The following LTBP2 variants were observed in gnomAD, a reference collection of about 807,000 sequenced individuals.
The protein encoded by LTBP2 is latent-transforming growth factor beta-binding protein 2.
Under a neutral mutation model 210.6 loss-of-function variants are expected in LTBP2, and 103 were observed. That is an observed-to-expected ratio of 0.49 (90% CI 0.42 to 0.58). The LOEUF (loss-of-function observed/expected upper bound fraction) is 0.58, where lower values mean the gene tolerates loss of function less well. LTBP2 is among the 20% of genes least tolerant of loss of function. The probability of loss-of-function intolerance (pLI) is 0.00; values close to 1 mark genes in which losing one functional copy is unlikely to be tolerated. For synonymous variants in LTBP2, 1,007 were observed against 1,015.0 expected, an observed-to-expected ratio of 0.99 and a Z score of 0.15; for missense variants, 2,313 against 2,494.5, an observed-to-expected ratio of 0.93 and a Z score of 1.55.
chr14:74,550,938 A>C, intron 7 of LTBP2, 126 bp downstream of exon 7: 2 of 1,242,824 alleles, frequency 1.6e-6, no homozygotes, highest in Non-Finnish European at 2.3e-6. Flanking sequence ...CCATCTGGGA[A>C]ATGGGAGAGT....
chr14:74,602,766 CT>C (rs2088466152), intron 2 of LTBP2, among the ~76,000 whole-genome samples: 1 of 152,222 alleles, frequency 6.6e-6, no homozygotes, highest in South Asian at 2.1e-4. Context: ...AATAAGATGG[CT>C]TTTCTCTCCT....
chr14:74,506,855 G>A (rs1047144681), intron 26 of LTBP2, 32 bp from the exon 27 acceptor site: 23 of 981,896 alleles, frequency 2.3e-5, no homozygotes, highest in Non-Finnish European at 3.4e-5. Context: ...GATAGAGGAT[G>A]TGTGTGTGTG....
chr14:74,562,955 T>C (rs1488376826), intron 3 of LTBP2, among the ~76,000 whole-genome samples: 7 of 152,212 alleles, frequency 4.6e-5, no homozygotes, highest in South Asian at 2.1e-4. Context: ...GTTGCTGCCC[T>C]GCCCTGGTCC....
Position 74,521,992 on chromosome 14 carries a change from T to C in LTBP2, c.2707A>G (p.Ile903Val). ...RDPCKGKGRC[I>V]NRVGSYSCFC... ...CAGGAGTAGGACCCCACGCGGTTGATGCAGCGCCCTTTTCCCTTGCAGGGG... is the reference window on the plus strand; with the variant it reads ...CAGGAGTAGGACCCCACGCGGTTGACGCAGCGCCCTTTTCCCTTGCAGGGG... Residue 903 changes from isoleucine (I) to valine (V), a missense_variant, in exon 17 of 36, where the codon ATC becomes GTC. By Grantham distance (29) the Ile-to-Val change is conservative (BLOSUM62 3). Transcript: ENST00000261978. The C allele has an allele frequency of 1.2e-6, 2 of 1,614,108 alleles. No homozygotes were observed. Among genetic ancestry groups the C allele is most frequent in the South Asian group, 2.2e-5 (2 of 91,074 alleles).
At chr14:74,553,189 C>T in intron 4 of LTBP2, 127 bp from the exon 5 acceptor site, 1 of 913,344 alleles carries the variant, frequency 1.1e-6, no homozygotes, top group Non-Finnish European at 1.7e-6. Flanking sequence ...TGAGTACCTA[C>T]TGGACGCAGG....
intron 3 of LTBP2, among the ~76,000 whole-genome samples, chr14:74,562,825 T>C (rs1414049710): frequency 6.6e-6 from 1 of 152,098 alleles, no homozygotes; most frequent in Non-Finnish European, 1.5e-5. Flanking sequence ...GGAATGTAAA[T>C]TGACATGACC....
chr14:74,539,518 G>A (rs536783690), intron 8 of LTBP2, among the ~76,000 whole-genome samples: 1 of 152,184 alleles, frequency 6.6e-6, no homozygotes, highest in South Asian at 2.1e-4. Context: ...ACCAGCCCAG[G>A]CAACATGGCA....
chr14:74,570,571 G>A (rs1198313113), intron 3 of LTBP2, among the ~76,000 whole-genome samples: 1 of 152,220 alleles, frequency 6.6e-6, no homozygotes, highest in African/African-American at 2.4e-5. Context: ...CTTCCATTCA[G>A]CAATCTAGCA....
At chr14:74,561,637 A>T (rs142672592) in intron 3 of LTBP2, among the ~76,000 whole-genome samples, 74 of 152,332 alleles carry the variant, frequency 4.9e-4, no homozygotes, top group African/African-American at 1.6e-3. Context: ...TTTACAATAA[A>T]TATGCATCAC....
At chr14:74,526,659 G>C (rs1341555605) in intron 13 of LTBP2, among the ~76,000 whole-genome samples, 1 of 152,190 alleles carries the variant, frequency 6.6e-6, no homozygotes, top group African/African-American at 2.4e-5. Context: ...CTTTGGCCTG[G>C]GGGGACATCA....
intron 2 of LTBP2, among the ~76,000 whole-genome samples, chr14:74,600,213 A>G (rs1244516611): frequency 6.6e-6 from 1 of 152,218 alleles, no homozygotes; most frequent in Non-Finnish European, 1.5e-5. Context: ...GCAACAAGCA[A>G]ACAGCACAGG....
At position 74,552,411 on chromosome 14, in the gene LTBP2, A is replaced by C; in HGVS notation, c.1193-18T>G. 3 of 1,600,088 alleles carry C rather than the reference A, an allele frequency of 1.9e-6. No individual in the cohort carries two copies. The highest frequency in any genetic ancestry group is 2.5e-6 in the Non-Finnish European group (3 of 1,178,984). On this transcript the variant is annotated intron_variant, in intron 5 of 35. Coordinates refer to ENST00000261978, the MANE Select transcript of LTBP2 (RefSeq NM_000428.3). ...GCAGAAATCTGCAACATCAACCCTC[A>C]AGGTAACCAGCGGTGGAAGAACAGC... is the stretch of plus-strand genomic sequence containing the variant.
intron 19 of LTBP2, among the ~76,000 whole-genome samples, 187 bp from the exon 20 acceptor site, chr14:74,510,400 C>T (rs558074900): frequency 2.0e-5 from 3 of 152,340 alleles, no homozygotes; most frequent in East Asian, 3.9e-4. Flanking sequence ...TCCCATCCCC[C>T]GGGCTCACTT....
At chr14:74,506,872 TGTGTGTGCGCGCGCGC>T (rs2086995967) in intron 26 of LTBP2, 49 bp from the exon 27 acceptor site, 3 of 1,500,936 alleles carry the variant, frequency 2.0e-6, no homozygotes, top group East Asian at 2.5e-5. Flanking sequence ...TGTGTGTGTG[TGTGTGTGCGCGCGCGC>T]GTGTGTGCTC....
chr14:74,611,504 G>A lies in LTBP2; in HGVS notation c.441C>T (p.Thr147=), dbSNP rs776129214. Residue 147 remains threonine (T), a synonymous_variant, in exon 1 of 36, where the codon ACC becomes ACT. Transcript: ENST00000261978. ...RAAPALPRLG[T]PQRSGAAPPT... ...GGGGCGCAGCCCCAGACCGCTGTGG[G>A]GTCCCCAGGCGTGGGAGAGCCGGCG... 1.4e-5 allele frequency: 21 copies of A among 1,521,988 alleles called. No individual in the cohort carries two copies. Among genetic ancestry groups the A allele is most frequent in the Non-Finnish European group, 9.6e-6 (11 of 1,146,656 alleles). The allele number at this position is 1,521,988 out of a possible 1,614,324, so 94.3% of individuals were successfully genotyped here. A position where few individuals can be genotyped will look rare whatever the true frequency, so the allele number is the denominator to read the frequency against.
chr14:74,581,598 G>A (rs952652076), intron 3 of LTBP2, among the ~76,000 whole-genome samples: 1 of 152,076 alleles, frequency 6.6e-6, no homozygotes, highest in Non-Finnish European at 1.5e-5. Flanking sequence ...CAAGGAAATG[G>A]GGCCTCCGTC....
At position 74,501,028 on chromosome 14, in the gene LTBP2, A is replaced by G; in HGVS notation, c.5322T>C (p.Asp1774=). The change falls in exon 36 of 36, where the codon GAT becomes GAC. Residue 1774 remains aspartate, a splice_region_variant and synonymous_variant. Transcript: ENST00000261978. The part of the protein sequence containing the change: ...QLDAAHMACV[D]VNECDDLNGP... ...CGTTCAAGTCATCACACTCATTCAC[A>G]TCTAAGAGGAAACAAAGGAGAGTGC... 1 of 1,613,252 alleles carries G rather than the reference A, an allele frequency of 6.2e-7. No homozygotes were observed. Among genetic ancestry groups the G allele is most frequent in the East Asian group, 2.2e-5 (1 of 44,868 alleles).
intron 2 of LTBP2, among the ~76,000 whole-genome samples, chr14:74,590,330 C>T (rs1180621378): frequency 2.6e-5 from 4 of 152,158 alleles, no homozygotes; most frequent in Non-Finnish European, 5.9e-5. Flanking sequence ...AAAAGACACC[C>T]GCACGTGTAT....
intron 3 of LTBP2, among the ~76,000 whole-genome samples, chr14:74,577,726 T>C (rs904270406): frequency 1.3e-5 from 2 of 151,702 alleles, no homozygotes; most frequent in African/African-American, 4.9e-5. Flanking sequence ...AGGCTGGTCT[T>C]GCACTCCTGA....
Sources: allele counts gnomAD v4.1 joint callset (sites outside exome capture counted in the v4.1 genomes callset), GRCh38; gene constraint gnomAD v4.1.1; transcripts MANE v1.5; gene names NCBI Gene and HGNC (gene_info 2026-07-23, HGNC 2026-07-21).